TMEM64: variants seen among roughly 807,000 people sequenced by gnomAD.
TMEM64 encodes transmembrane protein 64.
TMEM64 carries 19 observed loss-of-function variants against 24.5 expected under a neutral mutation model. The ratio of observed to expected loss-of-function variants is 0.78; its 90% CI spans 0.54 to 1.14. TMEM64 has a LOEUF of 1.14. TMEM64 is among the 50% of genes most tolerant of loss of function. TMEM64 has a pLI of 0.00. For missense variants in TMEM64, 487 were observed against 493.0 expected (o/e 0.99, Z 0.12); for synonymous variants, 262 against 224.7 (o/e 1.17, Z -1.49).
chr8:90,642,967 G>A (rs1338351454), intron 1 of TMEM64, among the ~76,000 whole-genome samples: 1 of 151,938 alleles, frequency 6.6e-6, no homozygotes, highest in Non-Finnish European at 1.5e-5. Flanking sequence ...ATGCTAAATT[G>A]AGATTTGTCC....
At chr8:90,636,014 C>T (rs1218698312) in intron 1 of TMEM64, among the ~76,000 whole-genome samples, 1 of 152,182 alleles carries the variant, frequency 6.6e-6, no homozygotes, top group Non-Finnish European at 1.5e-5. Flanking sequence ...TCAACAAGAC[C>T]GTTGCCCATG....
intron 1 of TMEM64, among the ~76,000 whole-genome samples, chr8:90,635,807 G>A (rs1404924873): frequency 6.6e-6 from 1 of 152,172 alleles, no homozygotes; most frequent in Non-Finnish European, 1.5e-5. Flanking sequence ...TACATATTAT[G>A]GAAGTTATCT....
At position 90,645,464 on chromosome 8, in the gene TMEM64, G is replaced by C; in HGVS notation, c.442C>G (p.Leu148Val). The C allele has an allele frequency of 1.3e-6, 2 of 1,551,560 alleles. No homozygotes were observed. The highest frequency in any genetic ancestry group is 1.7e-6 in the Non-Finnish European group (2 of 1,147,038). The change falls in exon 1 of 3, where the codon CTG becomes GTG. Residue 148 changes from leucine to valine, a missense_variant. Transcript: ENST00000458549. This position sits in a 1 kb window ranked among gnomAD's most constrained non-coding sequence, Gnocchi z 4.2. Reference protein sequence around the residue: ...ALVRRYLHHLLLWVESLDSLL... With the variant: ...ALVRRYLHHLVLWVESLDSLL... ...GAGTCAAGGCTCTCCACCCACAGCA[G>C]GAGGTGGTGAAGGTAGCGGCGGACC...
At chr8:90,637,416 T>C (rs1809540953) in intron 1 of TMEM64, among the ~76,000 whole-genome samples, 2 of 152,310 alleles carry the variant, frequency 1.3e-5, no homozygotes, top group South Asian at 2.1e-4. Flanking sequence ...ATAAAAAATA[T>C]AAAGGTGACC....
chr8:90,631,431 A>C (rs971122496), intron 2 of TMEM64, 121 bp downstream of exon 2: 64 of 874,724 alleles, frequency 7.3e-5, no homozygotes, highest in Non-Finnish European at 1.1e-5. Flanking sequence ...TGAAAGAACC[A>C]AGAAAAAAAT....
At chr8:90,627,743 CA>C (rs1296943620) in intron 2 of TMEM64, among the ~76,000 whole-genome samples, 1 of 151,830 alleles carries the variant, frequency 6.6e-6, no homozygotes, top group African/African-American at 2.4e-5. Context: ...CTAGGATCTT[CA>C]AAAACACAGA....
intron 1 of TMEM64, among the ~76,000 whole-genome samples, chr8:90,633,937 T>C (rs982689593): frequency 6.6e-6 from 1 of 152,158 alleles, no homozygotes; most frequent in Non-Finnish European, 1.5e-5. Context: ...TTCGCTAAAG[T>C]GTCCTTTATC....
chr8:90,627,365 T>C (rs1198211168), intron 2 of TMEM64, among the ~76,000 whole-genome samples: 1 of 151,950 alleles, frequency 6.6e-6, no homozygotes, highest in Non-Finnish European at 1.5e-5. Context: ...AACTGTTTTC[T>C]GTTACTTCTC....
chr8:90,634,236 A>G (rs1470487963), intron 1 of TMEM64, among the ~76,000 whole-genome samples: 1 of 152,168 alleles, frequency 6.6e-6, no homozygotes, highest in East Asian at 1.9e-4. Context: ...TAACTTCTCC[A>G]TGGACTTATT....
At chr8:90,641,256 G>A (rs375853858) in intron 1 of TMEM64, among the ~76,000 whole-genome samples, 1 of 152,110 alleles carries the variant, frequency 6.6e-6, no homozygotes, top group African/African-American at 2.4e-5. Context: ...CTTAAAAGGA[G>A]ACACACATAG....
chr8:90,628,342 G>A (rs532648162), intron 2 of TMEM64, among the ~76,000 whole-genome samples: 1 of 152,270 alleles, frequency 6.6e-6, no homozygotes, highest in East Asian at 1.9e-4. Flanking sequence ...GAAGGCTTCT[G>A]ATTTTTCTGT....
intron 1 of TMEM64, among the ~76,000 whole-genome samples, chr8:90,637,361 A>T (rs1295412538): frequency 6.6e-6 from 1 of 152,106 alleles, no homozygotes; most frequent in Non-Finnish European, 1.5e-5. Context: ...GATTTAACCC[A>T]CCCAGAAACT....
At chr8:90,626,561 T>C (rs1395674609) in intron 2 of TMEM64, among the ~76,000 whole-genome samples, 3 of 152,132 alleles carry the variant, frequency 2.0e-5, no homozygotes, top group Admixed American at 2.0e-4. Context: ...TGATGTGTGA[T>C]TTAGGGAAGC....
rs1554548923 is a variant in TMEM64, at chr8:90,635,403, A to ATTTTATTTT, written c.796-3697_796-3696insAAAATAAAA. ...ATTTTATTTTATTTTATTTTATTTT[A>ATTTTATTTT]TTTTTTTTGAGACGGACTCTTCGCT... On this transcript the variant is annotated intron_variant, in intron 1 of 2. Transcript: ENST00000458549. Among the ~76,000 whole-genome samples the ATTTTATTTT allele has an allele frequency of 3.0e-3, 443 of 147,802 alleles. 3 individuals carry two copies. Among genetic ancestry groups the ATTTTATTTT allele is most frequent in the African/African-American group, 0.011 (424 of 38,920 alleles).
chr8:90,636,063 G>A (rs1357334555), intron 1 of TMEM64, among the ~76,000 whole-genome samples: 1 of 152,094 alleles, frequency 6.6e-6, no homozygotes, highest in Non-Finnish European at 1.5e-5. Flanking sequence ...AACCTTTCAT[G>A]ACCAAACCTT....
At position 90,624,408 on chromosome 8, in the gene TMEM64, C is replaced by G. The variant is rs1449717487; in HGVS notation, c.*1263G>C. 1 of 151,984 alleles carries G rather than the reference C, an allele frequency of 6.6e-6. No individual in the cohort carries two copies. Among genetic ancestry groups the G allele is most frequent in the Non-Finnish European group, 1.5e-5 (1 of 67,880 alleles). The allele number at this position is 151,984 out of a possible 1,614,324, so 9.4% of individuals were successfully genotyped here. On this transcript the variant is annotated 3_prime_UTR_variant, in exon 3 of 3. Transcript: ENST00000458549. The stretch of plus-strand genomic sequence containing the variant: ...TATAACCTCATTTGTAAAAAAAAAT[C>G]ATTAAGTTTATAAACTATTTTAAAA...
rs76327193 is a variant in TMEM64 at position 90,638,093 on chromosome 8, C to T, written c.796-6386G>A. Among the ~76,000 whole-genome samples, 138 of 151,718 alleles carry T rather than the reference C, an allele frequency of 9.1e-4. 1 individual carries two copies. The East Asian group carries it at 0.025, about 27-fold the overall frequency. ...TCCTCTTTGGTCCTGACTACACAGA[C>T]TACCCCCACTCACTACCTATGGTAA... On this transcript the variant is annotated intron_variant, in intron 1 of 2. Coordinates refer to ENST00000458549, the MANE Select transcript of TMEM64 (RefSeq NM_001008495.4).
intron 2 of TMEM64, 30 bp from the exon 3 acceptor site, chr8:90,625,892 T>C (rs1280829938): frequency 1.4e-6 from 2 of 1,465,938 alleles, no homozygotes; most frequent in Non-Finnish European, 9.3e-7. Flanking sequence ...ATTACAGTTA[T>C]CAATATTTTA....
chr8:90,634,329 ATCT>A lies in TMEM64; in HGVS notation c.796-2625_796-2623del, dbSNP rs1809483176. Among the ~76,000 whole-genome samples, 3 of 152,210 alleles carry A rather than the reference ATCT, an allele frequency of 2.0e-5. 1 individual carries two copies. Among genetic ancestry groups the A allele is most frequent in the South Asian group, 4.1e-4 (2 of 4,832 alleles). ...CTAATACTGTCCATGTATATTTTAA[ATCT>A]TCTACTAGAACTAAAACATGGGTAT... is the stretch of plus-strand genomic sequence containing the variant. On this transcript the variant is annotated intron_variant, in intron 1 of 2. Coordinates refer to ENST00000458549, the MANE Select transcript of TMEM64 (RefSeq NM_001008495.4).
Sources: gnomAD v4.1 joint callset for allele counts (sites outside exome capture counted in the v4.1 genomes callset) on GRCh38, gnomAD v4.1.1 for gene constraint, Gnocchi (gnomAD v3.1) non-coding constraint, MANE v1.5 for transcripts, NCBI Gene and HGNC (gene_info 2026-07-23, HGNC 2026-07-21) for gene names.